The following TASP1 variants were observed in gnomAD, a reference collection of about 807,000 sequenced individuals.
The protein encoded by TASP1 is taspase 1.
A neutral mutation model predicts 56.6 loss-of-function variants in TASP1; 16 were observed. The observed-to-expected ratio is 0.28, with a 90% confidence interval of 0.19 to 0.43. The LOEUF is 0.43. TASP1 is among the 20% of genes least tolerant of loss of function. TASP1 has a pLI of 1.00. For missense variants in TASP1, 393 were observed against 511.6 expected (o/e 0.77, Z 2.24); for synonymous variants, 179 against 184.2 (o/e 0.97, Z 0.23).
the TASP1 span, among the ~76,000 whole-genome samples, chr20:13,187,997 G>A: frequency 6.6e-6 from 1 of 152,110 alleles, no homozygotes; most frequent in Non-Finnish European, 1.5e-5. Flanking sequence ...CTGCTCCCTT[G>A]TTAATAGGGT....
chr20:13,491,708 C>T (rs1050530153), intron 10 of TASP1, among the ~76,000 whole-genome samples: 4 of 152,188 alleles, frequency 2.6e-5, no homozygotes, highest in East Asian at 1.9e-4. Flanking sequence ...AATAGAGAAA[C>T]ATCAAAATTT....
chr20:13,600,790 C>CACAT (rs372386957), intron 4 of TASP1, among the ~76,000 whole-genome samples: 1 of 152,034 alleles, frequency 6.6e-6, no homozygotes, highest in Non-Finnish European at 1.5e-5. Context: ...TGTATATGCA[C>CACAT]ACATACATAC....
the TASP1 span, among the ~76,000 whole-genome samples, chr20:13,382,886 T>A: frequency 6.6e-6 from 1 of 152,138 alleles, no homozygotes; most frequent in South Asian, 2.1e-4. Context: ...AAAAAAGGAA[T>A]GCAAAATGCT....
intron 4 of TASP1, among the ~76,000 whole-genome samples, chr20:13,608,781 AC>A (rs2048248337): frequency 6.6e-6 from 1 of 152,266 alleles, no homozygotes; most frequent in South Asian, 2.1e-4. Flanking sequence ...GATCTAAACC[AC>A]GGGGATATAG....
intron 8 of TASP1, among the ~76,000 whole-genome samples, chr20:13,546,011 T>TC (rs2045796396): frequency 6.6e-6 from 1 of 152,208 alleles, no homozygotes; most frequent in African/African-American, 2.4e-5. Flanking sequence ...GATTTTGTTC[T>TC]TCTAACACAT....
chr20:13,445,921 A>G (rs1047995845), intron 11 of TASP1, among the ~76,000 whole-genome samples: 1 of 152,174 alleles, frequency 6.6e-6, no homozygotes, highest in South Asian at 2.1e-4. Context: ...TCATTCAACA[A>G]ATATTTCATA....
At chr20:13,278,143 T>C in the TASP1 span, among the ~76,000 whole-genome samples, 2 of 152,216 alleles carry the variant, frequency 1.3e-5, no homozygotes, top group Admixed American at 6.5e-5. Flanking sequence ...GCAAGAGCTA[T>C]GCGATGGCCA....
intron 1 of TASP1, among the ~76,000 whole-genome samples, chr20:13,636,611 T>C (rs2049320260): frequency 6.6e-6 from 1 of 152,242 alleles, no homozygotes; most frequent in African/African-American, 2.4e-5. Flanking sequence ...GTTTTATGCC[T>C]TTTATACCAT....
At chr20:13,479,242 A>T (rs2043048178) in intron 11 of TASP1, among the ~76,000 whole-genome samples, 1 of 152,162 alleles carries the variant, frequency 6.6e-6, no homozygotes, top group Admixed American at 6.6e-5. Context: ...TTGTAATGAG[A>T]ATCACTAGAT....
chr20:13,431,005 T>C (rs888454320), intron 12 of TASP1, among the ~76,000 whole-genome samples: 2 of 152,088 alleles, frequency 1.3e-5, no homozygotes, highest in Non-Finnish European at 2.9e-5. Flanking sequence ...TGTGGTGTAA[T>C]GAGAACATTA....
At chr20:13,587,207 G>A (rs766464819) in intron 5 of TASP1, 43 bp downstream of exon 5, 21 of 1,575,460 alleles carry the variant, frequency 1.3e-5, no homozygotes, top group Admixed American at 3.9e-5. Context: ...AAATGGTCAC[G>A]TGCATGATTT....
intron 4 of TASP1, among the ~76,000 whole-genome samples, chr20:13,593,219 A>T (rs545762084): frequency 6.6e-6 from 1 of 151,640 alleles, no homozygotes; most frequent in African/African-American, 2.4e-5. Context: ...TTAAACAGTT[A>T]AAAAAAAATC....
At chr20:13,494,189 A>G (rs2043639543) in intron 10 of TASP1, among the ~76,000 whole-genome samples, 1 of 152,202 alleles carries the variant, frequency 6.6e-6, no homozygotes, top group South Asian at 2.1e-4. Flanking sequence ...GAGAAGGATC[A>G]CATATGAGGA....
At chr20:13,114,509 A>G in the TASP1 span, among the ~76,000 whole-genome samples, 1 of 152,238 alleles carries the variant, frequency 6.6e-6, no homozygotes, top group Non-Finnish European at 1.5e-5. Flanking sequence ...CAGCTCTTCT[A>G]AAACAAATAC....
At chr20:13,307,230 C>T in the TASP1 span, among the ~76,000 whole-genome samples, 1 of 152,230 alleles carries the variant, frequency 6.6e-6, no homozygotes, top group Non-Finnish European at 1.5e-5. Flanking sequence ...ATTTGACCCT[C>T]TTATAGCCAA....
chr20:13,350,653 TAAAC>T, the TASP1 span, among the ~76,000 whole-genome samples: 253 of 152,176 alleles, frequency 1.7e-3, 2 homozygotes, highest in Non-Finnish European at 3.2e-3. Flanking sequence ...CAATAGTACA[TAAAC>T]AAAAAGACTA....
intron 11 of TASP1, among the ~76,000 whole-genome samples, chr20:13,477,281 T>C (rs1055693328): frequency 9.9e-5 from 15 of 152,110 alleles, no homozygotes; most frequent in African/African-American, 3.6e-4. Context: ...TGAAGTAAAA[T>C]ATAGAGCAAA....
chr20:13,610,206 G>C (rs927350637), intron 4 of TASP1, among the ~76,000 whole-genome samples: 6 of 152,202 alleles, frequency 3.9e-5, no homozygotes, highest in African/African-American at 1.4e-4. Flanking sequence ...ACAACACTGT[G>C]AGCATTTTAA....
the TASP1 span, chr20:13,270,382 C>T: frequency 9.1e-7 from 1 of 1,094,850 alleles, no homozygotes. Flanking sequence ...GTTTGGAATG[C>T]CCTACTGGCT....
Sources: gnomAD v4.1 joint callset for allele counts (sites outside exome capture counted in the v4.1 genomes callset) on GRCh38, gnomAD v4.1.1 for gene constraint, MANE v1.5 for transcripts, NCBI Gene and HGNC (gene_info 2026-07-23, HGNC 2026-07-21) for gene names.